Variants in SV2C observed in about 807,000 individuals in gnomAD.
SV2C encodes solute carrier family 22 member B3.
Under a neutral mutation model 79.7 loss-of-function variants are expected in SV2C, and 49 were observed. The ratio of observed to expected loss-of-function variants is 0.61; its 90% CI spans 0.49 to 0.78. The LOEUF is 0.78. Ranked by LOEUF, SV2C falls within the 30% of genes least tolerant of loss-of-function variation. The pLI, the probability that SV2C is intolerant of heterozygous loss-of-function variation, is 0.00. For missense variants in SV2C, 833 were observed against 912.9 expected (o/e 0.91, Z 1.13); for synonymous variants, 334 against 333.2 (o/e 1.00, Z -0.03).
intron 2 of SV2C, among the ~76,000 whole-genome samples, chr5:76,180,673 C>T (rs4704285): frequency 0.69 from 105,151 of 152,074 alleles, 37,498 homozygotes; most frequent in East Asian, 0.97. Context: ...TCTCTGCCTT[C>T]GTCATTCCTC....
At chr5:75,874,310 T>C in the SV2C span, among the ~76,000 whole-genome samples, 1 of 152,090 alleles carries the variant, frequency 6.6e-6, no homozygotes, top group African/African-American at 2.4e-5. Context: ...AAAAAACACA[T>C]GATTATCTCA....
At chr5:76,181,121 C>T (rs1743706848) in intron 2 of SV2C, among the ~76,000 whole-genome samples, 2 of 152,096 alleles carry the variant, frequency 1.3e-5, no homozygotes, top group Admixed American at 1.3e-4. Flanking sequence ...TCAATTAATA[C>T]ACACCTACCC....
intron 4 of SV2C, among the ~76,000 whole-genome samples, chr5:76,245,393 A>T (rs1366304432): frequency 6.6e-6 from 1 of 152,198 alleles, no homozygotes; most frequent in Non-Finnish European, 1.5e-5. Flanking sequence ...AGCTCAGTTC[A>T]TGCAAAAGTC....
the SV2C span, among the ~76,000 whole-genome samples, chr5:76,012,824 G>A: frequency 7.9e-5 from 12 of 152,188 alleles, no homozygotes; most frequent in Middle Eastern, 3.4e-3. Context: ...TCTGTATATG[G>A]CTAGCCAGTT....
the SV2C span, among the ~76,000 whole-genome samples, chr5:75,902,952 T>TGCCAGGCACTGGGC: frequency 6.4e-4 from 97 of 152,312 alleles, no homozygotes; most frequent in African/African-American, 2.0e-3. Flanking sequence ...GTGCACTGGG[T>TGCCAGGCACTGGGC]GCCAGGCACT....
the SV2C span, among the ~76,000 whole-genome samples, chr5:75,902,138 C>G: frequency 6.6e-6 from 1 of 151,010 alleles, no homozygotes; most frequent in African/African-American, 2.4e-5. Flanking sequence ...GAGATGAACC[C>G]GGTACCTCAG....
intron 2 of SV2C, among the ~76,000 whole-genome samples, chr5:76,182,818 C>T (rs1462047402): frequency 1.3e-5 from 2 of 151,938 alleles, no homozygotes; most frequent in Non-Finnish European, 2.9e-5. Flanking sequence ...GGAAGCAGAG[C>T]GGCATCTGTT....
intron 3 of SV2C, among the ~76,000 whole-genome samples, chr5:76,198,831 A>C (rs1293590985): frequency 6.6e-6 from 1 of 152,134 alleles, no homozygotes; most frequent in East Asian, 1.9e-4. Context: ...CTCAAAAAAC[A>C]TTGTAACACC....
the SV2C span, among the ~76,000 whole-genome samples, chr5:75,856,636 G>A: frequency 2.4e-4 from 37 of 151,998 alleles, no homozygotes; most frequent in Non-Finnish European, 4.0e-4. Context: ...TTTAAAAATC[G>A]GATTATTACA....
At chr5:75,957,528 G>A in the SV2C span, among the ~76,000 whole-genome samples, 1 of 152,012 alleles carries the variant, frequency 6.6e-6, no homozygotes, top group Non-Finnish European at 1.5e-5. Context: ...ATGGATAGCA[G>A]TAGCACTATG....
intron 2 of SV2C, among the ~76,000 whole-genome samples, chr5:76,137,949 A>T (rs1347039506): frequency 1.3e-5 from 2 of 152,148 alleles, no homozygotes; most frequent in African/African-American, 4.8e-5. Flanking sequence ...ACAACAAAAA[A>T]ATTTTAATAT....
chr5:76,097,331 CTA>C (rs1747599405), intron 1 of SV2C, among the ~76,000 whole-genome samples: 1 of 152,152 alleles, frequency 6.6e-6, no homozygotes, highest in Non-Finnish European at 1.5e-5. Context: ...CAAGGGAAGA[CTA>C]TATTTTGTTG....
chr5:75,946,826 T>C, the SV2C span, among the ~76,000 whole-genome samples: 1 of 152,244 alleles, frequency 6.6e-6, no homozygotes, highest in East Asian at 1.9e-4. Flanking sequence ...TGTTCTATCA[T>C]ATTTGTGCTC....
At chr5:76,057,453 C>T in the SV2C span, among the ~76,000 whole-genome samples, 1 of 150,020 alleles carries the variant, frequency 6.7e-6, no homozygotes, top group Admixed American at 6.6e-5. Context: ...TGTTCAATTC[C>T]CACCTATGAG....
the SV2C span, among the ~76,000 whole-genome samples, chr5:75,871,545 C>A: frequency 6.6e-6 from 1 of 152,134 alleles, no homozygotes; most frequent in South Asian, 2.1e-4. Flanking sequence ...TGCAGTGGCT[C>A]ATGCCTGTAA....
intron 1 of SV2C, among the ~76,000 whole-genome samples, chr5:76,120,228 C>T (rs998742560): frequency 1.3e-5 from 2 of 151,410 alleles, no homozygotes; most frequent in East Asian, 1.9e-4. Flanking sequence ...TGTAGCATCT[C>T]ACAAACGTGA....
intron 1 of SV2C, among the ~76,000 whole-genome samples, chr5:76,100,288 T>G (rs1034236676): frequency 6.6e-6 from 1 of 152,176 alleles, no homozygotes; most frequent in Non-Finnish European, 1.5e-5. Context: ...TAGCATCAAA[T>G]TCAACTTTTT....
chr5:76,271,616 CTTTTT>C (rs34458409), intron 4 of SV2C, among the ~76,000 whole-genome samples: 3 of 96,062 alleles, frequency 3.1e-5, no homozygotes, highest in East Asian at 3.3e-4. Context: ...AGCATGTGTT[CTTTTT>C]TTTTTTTTTT....
intron 2 of SV2C, among the ~76,000 whole-genome samples, chr5:76,185,722 C>G (rs1027356392): frequency 3.9e-5 from 6 of 152,222 alleles, no homozygotes; most frequent in Admixed American, 1.3e-4. Flanking sequence ...TTTTTCCCTC[C>G]TAGGCCTCCA....
Sources: gnomAD v4.1 joint callset for allele counts (sites outside exome capture counted in the v4.1 genomes callset) on GRCh38, gnomAD v4.1.1 for gene constraint, MANE v1.5 for transcripts, NCBI Gene and HGNC (gene_info 2026-07-23, HGNC 2026-07-21) for gene names.